THEMIS2: variants seen among roughly 807,000 people sequenced by gnomAD.
The protein encoded by THEMIS2 is thymocyte selection associated family member 2.
THEMIS2 carries 29 observed loss-of-function variants against 46.8 expected under a neutral mutation model. The observed-to-expected ratio is 0.62, with a 90% confidence interval of 0.46 to 0.84. The LOEUF (loss-of-function observed/expected upper bound fraction) is 0.84, where lower values mean the gene tolerates loss of function less well. THEMIS2 is among the 40% of genes least tolerant of loss of function. The probability of loss-of-function intolerance (pLI) is 0.00; values close to 1 mark genes in which losing one functional copy is unlikely to be tolerated. For synonymous variants in THEMIS2, 335 were observed against 349.1 expected, an observed-to-expected ratio of 0.96 and a Z score of 0.45; for missense variants, 698 against 834.7, an observed-to-expected ratio of 0.84 and a Z score of 2.02.
rs1408027565 is a variant in THEMIS2 at position 27,882,028 on chromosome 1, C to T, written c.704C>T (p.Thr235Ile). The part of the protein sequence containing the change: ...STLEVDVEDV[T>I]ASSRHVHFIK... ...CTGGAGGTCGACGTGGAGGACGTCA[C>T]CGCCTCCTCCCGGCACGTCCACTTT... The change falls in exon 4 of 6, where the codon ACC (threonine) becomes ATC (isoleucine). Residue 235 changes from threonine (T) to isoleucine (I), a missense_variant. Transcript: ENST00000373921. This position sits in a 1 kb window ranked among gnomAD's most constrained non-coding sequence, Gnocchi z 7.6. The T allele has an allele frequency of 6.2e-7, 1 of 1,614,116 alleles. No individual in the cohort carries two copies.
chr1:27,876,790 GCTCGTGGGCTTGCCA>G lies in THEMIS2; in HGVS notation c.235+64_235+78del, dbSNP rs1027099317. 1.6e-5 allele frequency: 25 copies of G among 1,574,314 alleles called. No homozygotes were observed. The African/African-American group carries it at 3.4e-4, about 21-fold the overall frequency. On this transcript the variant is annotated intron_variant, in intron 2 of 5. Transcript: ENST00000373921. Reference sequence around the variant, plus strand: ...CACTCTCCTGGCACACCCGCAGGCTGCTCGTGGGCTTGCCACGTCCAGCAGTCACTCCCTCCCCTC... The same window carrying G: ...CACTCTCCTGGCACACCCGCAGGCTGCGTCCAGCAGTCACTCCCTCCCCTC...
chr1:27,883,362 T>C (rs1405159173), intron 4 of THEMIS2: 1 of 305,736 alleles, frequency 3.3e-6, no homozygotes, highest in Non-Finnish European at 6.1e-6. Flanking sequence ...CCACTACTGC[T>C]GCCTTCACTC....
Position 27,885,463 on chromosome 1 carries a change from T to G in THEMIS2, c.1876+12T>G. 2 of 1,611,994 alleles carry G rather than the reference T, an allele frequency of 1.2e-6. No individual in the cohort carries two copies. Among genetic ancestry groups the G allele is most frequent in the Non-Finnish European group, 1.7e-6 (2 of 1,179,488 alleles). On this transcript the variant is annotated intron_variant, in intron 5 of 5. Coordinates refer to ENST00000373921, the MANE Select transcript of THEMIS2 (RefSeq NM_001105556.3). ...AAGGCAGGATCTAGGTGAGTCCCTGTGGGCGCTGCTCACCCTTGTCCTTGT... is the reference window on the plus strand; with the variant it reads ...AAGGCAGGATCTAGGTGAGTCCCTGGGGGCGCTGCTCACCCTTGTCCTTGT...
At chr1:27,881,343 TG>T (rs1275507471) in intron 3 of THEMIS2, among the ~76,000 whole-genome samples, 2 of 147,584 alleles carry the variant, frequency 1.4e-5, no homozygotes. Flanking sequence ...CCCAGCTACT[TG>T]GGAGGCTGAG....
rs1327019171 is a variant in THEMIS2, at chr1:27,886,222, C to T, written c.*300C>T. ...CTCAATCCTGCAACCCCAGCTGTCC[C>T]ACCGGTGGATGCAGAGGGGAATCCG... On this transcript the variant is annotated 3_prime_UTR_variant, in exon 6 of 6. Coordinates refer to ENST00000373921, the MANE Select transcript of THEMIS2 (RefSeq NM_001105556.3). The T allele has an allele frequency of 2.4e-6, 1 of 420,586 alleles. No individual in the cohort carries two copies. Among genetic ancestry groups the T allele is most frequent in the Admixed American group, 3.8e-5 (1 of 26,248 alleles). The allele number at this position is 420,586 out of a possible 1,614,324, so 26.1% of individuals were successfully genotyped here.
chr1:27,886,340 C>A lies in THEMIS2; in HGVS notation c.*418C>A. The A allele has an allele frequency of 4.7e-6, 1 of 212,050 alleles. No individual in the cohort carries two copies. The highest frequency in any genetic ancestry group is 6.8e-5 in the South Asian group (1 of 14,814). 13.1% of individuals were successfully genotyped at this position (212,050 alleles called of 1,614,324 possible). A position where few individuals can be genotyped will look rare whatever the true frequency, so the allele number is the denominator to read the frequency against. On this transcript the variant is annotated 3_prime_UTR_variant, in exon 6 of 6. Transcript: ENST00000373921. Reference sequence around the variant, plus strand: ...ACGTCTGCCACCCCCACTCTCACCCCCAAGCTCTAAGCCCCCGGGAGGCCT... The same window carrying A: ...ACGTCTGCCACCCCCACTCTCACCCACAAGCTCTAAGCCCCCGGGAGGCCT...
At chr1:27,878,224 T>C (rs1191417597) in intron 2 of THEMIS2, among the ~76,000 whole-genome samples, 2 of 150,482 alleles carry the variant, frequency 1.3e-5, no homozygotes, top group Non-Finnish European at 3.0e-5. Flanking sequence ...CGGGAAAGTG[T>C]GGCTTCCAGG....
intron 1 of THEMIS2, among the ~76,000 whole-genome samples, chr1:27,875,071 T>C (rs1197118920): frequency 2.0e-5 from 3 of 151,828 alleles, no homozygotes; most frequent in Admixed American, 6.6e-5. Context: ...CTCCACCTCC[T>C]GGGTTCAAGC....
Position 27,885,405 on chromosome 1 carries a change from C to T in THEMIS2, c.1830C>T (p.Ala610=), listed in dbSNP as rs1482534677. ...CCAGTACGTACAGCAAGATTCCTGC[C>T]CACAGGAAGGGCCACAGGCCCGCTA... is the stretch of plus-strand genomic sequence containing the variant. ...DGSSTYSKIP[A]HRKGHRPAKP... is the part of the protein sequence containing the mutation. Residue 610 remains alanine, a synonymous_variant, in exon 5 of 6, where the codon GCC becomes GCT. Coordinates refer to ENST00000373921, the MANE Select transcript of THEMIS2 (RefSeq NM_001105556.3). 4 of 1,614,152 alleles carry T rather than the reference C, an allele frequency of 2.5e-6. No individual in the cohort carries two copies. The highest frequency in any genetic ancestry group is 1.7e-6 in the Non-Finnish European group (2 of 1,180,020).
chr1:27,885,179 A>G (rs2089747485), intron 4 of THEMIS2, 116 bp from the exon 5 acceptor site: 1 of 1,135,890 alleles, frequency 8.8e-7, no homozygotes, highest in Non-Finnish European at 1.2e-6. Flanking sequence ...TCATAGCCTG[A>G]AAAGGAAGTA....
intron 4 of THEMIS2, chr1:27,883,404 A>C: frequency 4.8e-6 from 1 of 207,806 alleles, no homozygotes; most frequent in Non-Finnish European, 9.8e-6. Flanking sequence ...TTTCTCCTAA[A>C]CTACTTCAGC....
chr1:27,882,183 C>G lies in THEMIS2; in HGVS notation c.859C>G (p.Gln287Glu). 6.2e-7 allele frequency: 1 copy of G among 1,613,988 alleles called. No individual in the cohort carries two copies. The change falls in exon 4 of 6, where the codon CAG (glutamine) becomes GAG (glutamate). Residue 287 changes from glutamine (Q) to glutamate (E), a missense_variant. By Grantham distance (29) the Gln-to-Glu change is conservative (BLOSUM62 2). Coordinates refer to ENST00000373921, the MANE Select transcript of THEMIS2 (RefSeq NM_001105556.3). This position sits in a 1 kb window ranked among gnomAD's most constrained non-coding sequence, Gnocchi z 7.6. ...GTGGGTGGGCTCCTTGCAAAAAGGC[C>G]AGAGGCTTTGCGTCTATGGCCTAGC... Reference protein sequence around the residue: ...SPWVGSLQKGQRLCVYGLASP... With the variant: ...SPWVGSLQKGERLCVYGLASP...
Position 27,872,676 on chromosome 1 carries a change from G to A in THEMIS2, c.94+11G>A. 1 of 1,359,766 alleles carries A rather than the reference G, an allele frequency of 7.4e-7. No homozygotes were observed. The highest frequency in any genetic ancestry group is 9.5e-7 in the Non-Finnish European group (1 of 1,050,916). 84.2% of individuals were successfully genotyped at this position (1,359,766 alleles called of 1,614,324 possible). ...GGGTCTACTTCGAGGGTGAGCGGGG[G>A]CTGGAACCCCTCCGAGCACTCCCTT... On this transcript the variant is annotated intron_variant, in intron 1 of 5. Coordinates refer to ENST00000373921, the MANE Select transcript of THEMIS2 (RefSeq NM_001105556.3). The surrounding 1 kb of genome is among the most constrained non-coding windows in gnomAD (Gnocchi z 4.9).
At position 27,879,850 on chromosome 1, in the gene THEMIS2, C is replaced by T. The variant is rs200496526; in HGVS notation, c.442C>T (p.Leu148=). The T allele has an allele frequency of 1.7e-5, 27 of 1,613,270 alleles. No homozygotes were observed. In the African/African-American group the frequency reaches 3.2e-4, roughly 19 times the overall value. ...HLGIRSARCV[L]GMEGQQVILH... The stretch of plus-strand genomic sequence containing the variant: ...CGGGATCCGCTCTGCCCGCTGTGTC[C>T]TGGGCATGGAGGGTCAGCAGGTCAT... Residue 148 remains leucine, a synonymous_variant, in exon 3 of 6, where the codon CTG becomes TTG. Transcript: ENST00000373921.
At position 27,882,303 on chromosome 1, in the gene THEMIS2, C is replaced by T. The variant is rs758912904; in HGVS notation, c.979C>T (p.Arg327Trp). The T allele has an allele frequency of 1.4e-5, 23 of 1,598,998 alleles. No homozygotes were observed. Among genetic ancestry groups the T allele is most frequent in the East Asian group, 6.7e-5 (3 of 44,652 alleles). ...GGGCTACCAAGGCAAGCTGCGGCGG[C>T]GGCCAAGGGAGTTCCCCACGGCCTA... is the stretch of plus-strand genomic sequence containing the variant. ...SGGYQGKLRRRPREFPTAYDL... is the reference protein window; with the variant it reads ...SGGYQGKLRRWPREFPTAYDL... Residue 327 changes from arginine to tryptophan, a missense_variant, in exon 4 of 6, where the codon CGG (arginine) becomes TGG (tryptophan). Physicochemically the swap from Arg to Trp is moderately radical, Grantham distance 101 (BLOSUM62 -3). Transcript: ENST00000373921. The surrounding 1 kb of genome is among the most constrained non-coding windows in gnomAD (Gnocchi z 7.6).
At chr1:27,883,091 A>C in intron 4 of THEMIS2, 48 bp downstream of exon 4, 3 of 1,480,932 alleles carry the variant, frequency 2.0e-6, no homozygotes, top group Non-Finnish European at 2.8e-6. Context: ...TATTGGGATC[A>C]CTGCTTCTTT....
At chr1:27,885,141 T>G in intron 4 of THEMIS2, 154 bp from the exon 5 acceptor site, 1 of 721,794 alleles carries the variant, frequency 1.4e-6, no homozygotes, top group South Asian at 1.9e-5. Context: ...CACATGCATG[T>G]AGCAAAAACA....
chr1:27,880,994 G>A (rs1049352470), intron 3 of THEMIS2, among the ~76,000 whole-genome samples: 14 of 151,750 alleles, frequency 9.2e-5, no homozygotes, highest in African/African-American at 2.9e-4. Flanking sequence ...CGGCCAGGCT[G>A]GTCTGGAACT....
At chr1:27,878,105 A>T (rs550043719) in intron 2 of THEMIS2, among the ~76,000 whole-genome samples, 2 of 138,434 alleles carry the variant, frequency 1.4e-5, no homozygotes, top group African/African-American at 5.8e-5. Context: ...TGTGCAATAG[A>T]GAGAGACTCT....
Sources: gnomAD v4.1 joint callset for allele counts (sites outside exome capture counted in the v4.1 genomes callset) on GRCh38, gnomAD v4.1.1 for gene constraint, Gnocchi (gnomAD v3.1) non-coding constraint, MANE v1.5 for transcripts, NCBI Gene and HGNC (gene_info 2026-07-23, HGNC 2026-07-21) for gene names.